TACR1: variants seen among roughly 807,000 people sequenced by gnomAD.
TACR1 encodes tachykinin receptor 1, also known as substance-P receptor.
A neutral mutation model predicts 35.8 loss-of-function variants in TACR1; 25 were observed. That is an observed-to-expected ratio of 0.70 (90% CI 0.51 to 0.98). The LOEUF (loss-of-function observed/expected upper bound fraction) is 0.98, where lower values mean the gene tolerates loss of function less well. Ranked by LOEUF, TACR1 falls within the 50% of genes least tolerant of loss-of-function variation. The pLI, the probability that TACR1 is intolerant of heterozygous loss-of-function variation, is 0.00. For missense variants in TACR1, 478 were observed against 522.9 expected (o/e 0.91, Z 0.84); for synonymous variants, 195 against 206.7 (o/e 0.94, Z 0.48).
At chr2:75,106,090 A>C (rs1264126423) in intron 2 of TACR1, among the ~76,000 whole-genome samples, 2 of 152,026 alleles carry the variant, frequency 1.3e-5, no homozygotes. Context: ...ACTAAGAAAA[A>C]CTGAGTGTGG....
At chr2:75,070,245 GTGTGTGTA>G (rs762337187) in intron 2 of TACR1, among the ~76,000 whole-genome samples, 12,854 of 128,358 alleles carry the variant, frequency 0.1, 723 homozygotes, top group East Asian at 0.2. Flanking sequence ...GTGTGTGTGT[GTGTGTGTA>G]TGTGTGTGTG....
chr2:75,145,054 T>C (rs1674478583), intron 1 of TACR1, among the ~76,000 whole-genome samples: 1 of 152,178 alleles, frequency 6.6e-6, no homozygotes, highest in Non-Finnish European at 1.5e-5. Context: ...AATAAGATTT[T>C]AAGTTAAATG....
At chr2:75,056,985 C>T (rs1001025705) in intron 2 of TACR1, among the ~76,000 whole-genome samples, 6 of 152,130 alleles carry the variant, frequency 3.9e-5, no homozygotes, top group Admixed American at 6.5e-5. Flanking sequence ...ACATCATTCA[C>T]GACAGCTAAA....
intron 2 of TACR1, among the ~76,000 whole-genome samples, chr2:75,071,364 C>T (rs1375181203): frequency 6.6e-6 from 1 of 152,240 alleles, no homozygotes; most frequent in East Asian, 1.9e-4. Flanking sequence ...TTCTCTGGCA[C>T]CAATCCAAAT....
rs375657395 is a variant in TACR1 at position 75,078,833 on chromosome 2, CT to C, written c.585-25079del. Among the ~76,000 whole-genome samples the C allele has an allele frequency of 3.2e-4, 49 of 152,308 alleles. No individual in the cohort carries two copies. The East Asian group carries it at 9.3e-3, about 29-fold the overall frequency. On this transcript the variant is annotated intron_variant, in intron 2 of 4. Transcript: ENST00000305249. ...CAAAATGCTGAGCACCATGATCCAT[CT>C]TTTGTAGGTTCTGGGTGAAGAGAGC...
At chr2:75,064,161 G>A (rs757817625) in intron 2 of TACR1, among the ~76,000 whole-genome samples, 1 of 151,782 alleles carries the variant, frequency 6.6e-6, no homozygotes, top group East Asian at 1.9e-4. Context: ...ATGCTCTAAC[G>A]AGAGACATTG....
At chr2:75,071,434 T>C (rs1381613966) in intron 2 of TACR1, among the ~76,000 whole-genome samples, 1 of 152,224 alleles carries the variant, frequency 6.6e-6, no homozygotes, top group Non-Finnish European at 1.5e-5. Context: ...CAGTATGGTC[T>C]TCCTAATCCC....
At chr2:75,156,859 T>C (rs1357774107) in intron 1 of TACR1, among the ~76,000 whole-genome samples, 4 of 152,212 alleles carry the variant, frequency 2.6e-5, no homozygotes, top group Non-Finnish European at 4.4e-5. Flanking sequence ...CATTAGTGTC[T>C]AGTTTTCTTC....
At chr2:75,183,518 A>G (rs1675609150) in intron 1 of TACR1, among the ~76,000 whole-genome samples, 1 of 152,210 alleles carries the variant, frequency 6.6e-6, no homozygotes, top group Admixed American at 6.5e-5. Context: ...CTTATCTGTT[A>G]CGTTTCCCTG....
chr2:75,160,870 CTGATA>C (rs1328350402), intron 1 of TACR1, among the ~76,000 whole-genome samples: 1 of 150,272 alleles, frequency 6.7e-6, no homozygotes, highest in Non-Finnish European at 1.5e-5. Flanking sequence ...CAGAGATATT[CTGATA>C]TATTTTCTTA....
intron 2 of TACR1, among the ~76,000 whole-genome samples, chr2:75,066,838 A>G (rs1001002753): frequency 1.3e-5 from 2 of 152,216 alleles, no homozygotes; most frequent in African/African-American, 4.8e-5. Context: ...TACATTAATC[A>G]ATTTGAAGTC....
At chr2:75,149,745 T>G (rs781494407) in intron 1 of TACR1, among the ~76,000 whole-genome samples, 10 of 152,200 alleles carry the variant, frequency 6.6e-5, no homozygotes. Flanking sequence ...TTCTCTTGCC[T>G]GATTGCCCTG....
At position 75,179,076 on chromosome 2, in the gene TACR1, T is replaced by C. The variant is rs537940856; in HGVS notation, c.389+19470A>G. Among the ~76,000 whole-genome samples, 6 of 152,330 alleles carry C rather than the reference T, an allele frequency of 3.9e-5. No individual in the cohort carries two copies. In the South Asian group the frequency reaches 1.2e-3, roughly 32 times the overall value. ...TTCATGAAGTATCTCTACTTGTCTA[T>C]CTACTGCCTATCTCAAACTTCCTGG... On this transcript the variant is annotated intron_variant, in intron 1 of 4. Coordinates refer to ENST00000305249, the MANE Select transcript of TACR1 (RefSeq NM_001058.4).
At chr2:75,142,736 G>T (rs1401893406) in intron 1 of TACR1, among the ~76,000 whole-genome samples, 2 of 152,100 alleles carry the variant, frequency 1.3e-5, no homozygotes, top group Non-Finnish European at 1.5e-5. Flanking sequence ...AGAGGAGAGG[G>T]CAATCAAATC....
chr2:75,195,880 C>T (rs1009906597), intron 1 of TACR1, among the ~76,000 whole-genome samples: 3 of 152,194 alleles, frequency 2.0e-5, no homozygotes, highest in East Asian at 1.9e-4. Flanking sequence ...TTATTAAAGT[C>T]TTTCATTAAT....
At chr2:75,194,632 G>A (rs936175958) in intron 1 of TACR1, among the ~76,000 whole-genome samples, 4 of 152,076 alleles carry the variant, frequency 2.6e-5, no homozygotes, top group African/African-American at 9.7e-5. Flanking sequence ...TCATGTTTTT[G>A]TTCTAGGTTC....
intron 1 of TACR1, among the ~76,000 whole-genome samples, chr2:75,177,334 A>C (rs1202818327): frequency 1.3e-5 from 2 of 152,172 alleles, no homozygotes; most frequent in African/African-American, 4.8e-5. Context: ...TAGTATCCAC[A>C]TACATGATTA....
chr2:75,155,050 A>C (rs1674811366), intron 1 of TACR1, among the ~76,000 whole-genome samples: 1 of 152,154 alleles, frequency 6.6e-6, no homozygotes, highest in Non-Finnish European at 1.5e-5. Flanking sequence ...AGGGCTGCAT[A>C]AGGACAACTT....
chr2:75,111,268 G>T (rs141271615), intron 2 of TACR1, among the ~76,000 whole-genome samples: 259 of 152,068 alleles, frequency 1.7e-3, no homozygotes, highest in African/African-American at 6.1e-3. Flanking sequence ...TGAGGGTTAT[G>T]CATTGAAAGC....
Sources: allele counts gnomAD v4.1 joint callset (sites outside exome capture counted in the v4.1 genomes callset), GRCh38; gene constraint gnomAD v4.1.1; transcripts MANE v1.5; gene names NCBI Gene and HGNC (gene_info 2026-07-23, HGNC 2026-07-21).